Variants in ATP8A2 observed in about 807,000 individuals in gnomAD.
The protein encoded by ATP8A2 is ATPase phospholipid transporting 8A2.
A neutral mutation model predicts 165.6 loss-of-function variants in ATP8A2; 100 were observed. That is an observed-to-expected ratio of 0.60 (90% confidence interval 0.51 to 0.71). The LOEUF (loss-of-function observed/expected upper bound fraction) is 0.71. ATP8A2 is among the 30% of genes least tolerant of loss of function. ATP8A2 has a pLI of 0.00. For missense variants in ATP8A2, 1,227 were observed against 1,479.5 expected (o/e 0.83, Z 2.80); for synonymous variants, 543 against 548.8 (o/e 0.99, Z 0.15).
chr13:25,671,584 C>G (rs185730212), intron 24 of ATP8A2, among the ~76,000 whole-genome samples: 7 of 152,198 alleles, frequency 4.6e-5, no homozygotes, highest in Middle Eastern at 3.4e-3. Flanking sequence ...CTCTTATGGT[C>G]GAGACTGCAG....
At chr13:25,917,557 C>T (rs1954304686) in intron 33 of ATP8A2, among the ~76,000 whole-genome samples, 1 of 152,208 alleles carries the variant, frequency 6.6e-6, no homozygotes, top group African/African-American at 2.4e-5. Flanking sequence ...AGCTGCAAAG[C>T]TAGGCTATAG....
intron 24 of ATP8A2, among the ~76,000 whole-genome samples, chr13:25,623,417 C>T (rs939560368): frequency 1.3e-5 from 2 of 151,800 alleles, no homozygotes; most frequent in African/African-American, 4.8e-5. Context: ...CAACAAAAAG[C>T]CAGGACTATG....
chr13:25,502,059 G>A (rs1443441670), intron 2 of ATP8A2, among the ~76,000 whole-genome samples: 2 of 152,196 alleles, frequency 1.3e-5, no homozygotes, highest in African/African-American at 4.8e-5. Flanking sequence ...ATCCCATACC[G>A]TGGCTTCACT....
At chr13:25,988,968 T>C (rs963547638) in intron 35 of ATP8A2, among the ~76,000 whole-genome samples, 7 of 152,226 alleles carry the variant, frequency 4.6e-5, no homozygotes, top group Non-Finnish European at 8.8e-5. Context: ...CTTTATTCTT[T>C]TCCTCTTTGT....
At chr13:25,735,733 A>G (rs1218360691) in intron 25 of ATP8A2, among the ~76,000 whole-genome samples, 4 of 152,226 alleles carry the variant, frequency 2.6e-5, no homozygotes, top group African/African-American at 9.6e-5. Context: ...CCATACGATT[A>G]TAATGGAGCT....
intron 24 of ATP8A2, among the ~76,000 whole-genome samples, chr13:25,623,572 G>A (rs184571878): frequency 2.6e-5 from 4 of 152,154 alleles, no homozygotes; most frequent in African/African-American, 9.6e-5. Context: ...CACCAAATAC[G>A]TGTTTTGAAA....
chr13:25,892,792 C>A (rs562524055), intron 33 of ATP8A2, among the ~76,000 whole-genome samples: 1 of 146,658 alleles, frequency 6.8e-6, no homozygotes, highest in South Asian at 2.1e-4. Flanking sequence ...GAAGCACAGA[C>A]TTTTTTTTAG....
At chr13:25,406,871 G>A (rs2033817679) in intron 1 of ATP8A2, among the ~76,000 whole-genome samples, 1 of 152,216 alleles carries the variant, frequency 6.6e-6, no homozygotes, top group African/African-American at 2.4e-5. Context: ...TGGCTTTCAT[G>A]TGGGCCACTT....
chr13:25,797,298 A>C (rs1348333386), intron 27 of ATP8A2, among the ~76,000 whole-genome samples: 1 of 151,734 alleles, frequency 6.6e-6, no homozygotes, highest in Non-Finnish European at 1.5e-5. Flanking sequence ...AAAACAGTAG[A>C]ATTGGATTGT....
intron 1 of ATP8A2, among the ~76,000 whole-genome samples, chr13:25,447,260 T>C (rs1483665065): frequency 6.6e-6 from 1 of 152,140 alleles, no homozygotes; most frequent in Non-Finnish European, 1.5e-5. Flanking sequence ...GTAAAAACTT[T>C]TTTTCTTTTT....
chr13:25,871,425 A>G (rs138622933), intron 33 of ATP8A2, among the ~76,000 whole-genome samples: 6 of 152,304 alleles, frequency 3.9e-5, no homozygotes, highest in Non-Finnish European at 7.3e-5. Context: ...TCCCCCACCC[A>G]GAGATGGCAG....
At chr13:25,758,278 C>G (rs944188839) in intron 25 of ATP8A2, among the ~76,000 whole-genome samples, 4 of 152,160 alleles carry the variant, frequency 2.6e-5, no homozygotes, top group African/African-American at 7.2e-5. Context: ...GAAAAAAGAG[C>G]TGTGTTTTAA....
chr13:25,950,340 A>C (rs557228189), intron 33 of ATP8A2, among the ~76,000 whole-genome samples: 2 of 152,164 alleles, frequency 1.3e-5, no homozygotes, highest in African/African-American at 2.4e-5. Flanking sequence ...ATTTGGTTAG[A>C]CCAACATTTT....
chr13:25,757,279 C>T (rs1320104264), intron 25 of ATP8A2, among the ~76,000 whole-genome samples: 4 of 152,148 alleles, frequency 2.6e-5, no homozygotes, highest in African/African-American at 9.7e-5. Flanking sequence ...GAAAAAGCAT[C>T]GCTCCCTGTG....
intron 1 of ATP8A2, among the ~76,000 whole-genome samples, chr13:25,387,837 G>A (rs1170739361): frequency 6.6e-6 from 1 of 152,168 alleles, no homozygotes; most frequent in Admixed American, 6.5e-5. Context: ...GGCAGGGTAG[G>A]TGGATCACCT....
intron 33 of ATP8A2, among the ~76,000 whole-genome samples, chr13:25,946,331 T>C (rs1040031294): frequency 1.3e-5 from 2 of 152,078 alleles, no homozygotes; most frequent in African/African-American, 2.4e-5. Context: ...GAGATACAGA[T>C]TGAGAAACAC....
At chr13:25,942,364 C>CT (rs1203979742) in intron 33 of ATP8A2, among the ~76,000 whole-genome samples, 1 of 152,146 alleles carries the variant, frequency 6.6e-6, no homozygotes, top group Non-Finnish European at 1.5e-5. Context: ...TTTTCTCTAA[C>CT]TTTTTTTATG....
At chr13:26,018,509 A>G (rs1272396507) in intron 36 of ATP8A2, among the ~76,000 whole-genome samples, 1 of 152,226 alleles carries the variant, frequency 6.6e-6, no homozygotes, top group Non-Finnish European at 1.5e-5. Flanking sequence ...GATAAGTTGT[A>G]CGCATGCATG....
intron 26 of ATP8A2, among the ~76,000 whole-genome samples, 191 bp from the exon 27 acceptor site, chr13:25,774,658 T>A (rs2044700475): frequency 1.3e-5 from 2 of 152,162 alleles, no homozygotes; most frequent in South Asian, 4.1e-4. Context: ...AATAATGTAG[T>A]TTCAAGAAGG....
Sources: gnomAD v4.1 joint callset for allele counts (sites outside exome capture counted in the v4.1 genomes callset) on GRCh38, gnomAD v4.1.1 for gene constraint, MANE v1.5 for transcripts, NCBI Gene and HGNC (gene_info 2026-07-23, HGNC 2026-07-21) for gene names.